The following POLR3G variants were observed in gnomAD, a reference collection of about 807,000 sequenced individuals.
The protein encoded by POLR3G is DNA-directed RNA polymerase III subunit RPC7.
Under a neutral mutation model 30.1 loss-of-function variants are expected in POLR3G, and 28 were observed. The ratio of observed to expected loss-of-function variants is 0.93; its 90% CI spans 0.69 to 1.27. POLR3G has a LOEUF of 1.27. Among genes scored for constraint, POLR3G ranks in the 50% most tolerant of loss-of-function variants. The pLI, the probability that POLR3G is intolerant of heterozygous loss-of-function variation, is 0.00. For synonymous variants in POLR3G, 79 were observed against 82.5 expected (o/e 0.96, Z 0.23); for missense variants, 254 against 264.6 (o/e 0.96, Z 0.28).
intron 7 of POLR3G, among the ~76,000 whole-genome samples, chr5:90,507,586 G>C (rs1752551467): frequency 6.6e-6 from 1 of 151,996 alleles, no homozygotes; most frequent in South Asian, 2.1e-4. Flanking sequence ...TTCTACTTCT[G>C]TTCTCTGTTC....
At position 90,485,698 on chromosome 5, in the gene POLR3G, C is replaced by T. The variant is rs766473299; in HGVS notation, c.117+14C>T. On this transcript the variant is annotated intron_variant, in intron 2 of 7. Coordinates refer to ENST00000651687, the MANE Select transcript of POLR3G (RefSeq NM_006467.3). The stretch of plus-strand genomic sequence containing the variant: ...CCACTATTTCCTGTAAGTATATGAA[C>T]AGTTGAATTCTCATAGTGTGTTTTT... 1.9e-5 allele frequency: 30 copies of T among 1,548,238 alleles called. No individual in the cohort carries two copies. Among genetic ancestry groups the T allele is most frequent in the Non-Finnish European group, 2.7e-5 (30 of 1,124,190 alleles).
chr5:90,489,668 A>G (rs1393529710), intron 3 of POLR3G, among the ~76,000 whole-genome samples: 1 of 152,216 alleles, frequency 6.6e-6, no homozygotes, highest in Non-Finnish European at 1.5e-5. Context: ...AAGTAAGACC[A>G]AATGAACTAA....
intron 2 of POLR3G, among the ~76,000 whole-genome samples, chr5:90,487,417 A>G (rs1319791917): frequency 2.1e-5 from 2 of 95,312 alleles, no homozygotes; most frequent in Non-Finnish European, 3.7e-5. Context: ...TGTGAGACGG[A>G]CTCTAGCTCT....
chr5:90,481,233 C>A (rs1390236566), intron 1 of POLR3G, among the ~76,000 whole-genome samples: 1 of 151,858 alleles, frequency 6.6e-6, no homozygotes, highest in Admixed American at 6.6e-5. Flanking sequence ...AACACCTGAA[C>A]CCATGACCAG....
chr5:90,496,568 C>T (rs1752008714), intron 4 of POLR3G, among the ~76,000 whole-genome samples: 1 of 152,204 alleles, frequency 6.6e-6, no homozygotes. Context: ...TTAGAAGGGT[C>T]TGTAAAGGAG....
intron 1 of POLR3G, among the ~76,000 whole-genome samples, chr5:90,481,329 A>G (rs11750517): frequency 0.73 from 104,803 of 144,402 alleles, 37,063 homozygotes; most frequent in Admixed American, 0.78. Flanking sequence ...AGTATTCTTG[A>G]AAAAAAAAAA....
At chr5:90,476,404 G>A (rs867893380) in intron 1 of POLR3G, among the ~76,000 whole-genome samples, 1 of 152,188 alleles carries the variant, frequency 6.6e-6, no homozygotes, top group Non-Finnish European at 1.5e-5. Context: ...AAAGCATTAC[G>A]GGGTATGTAC....
At position 90,501,924 on chromosome 5, in the gene POLR3G, A is replaced by C. The variant is rs1752262386; in HGVS notation, c.374A>C (p.Lys125Thr). Reference protein sequence around the residue: ...KCKKAGPKPKKAKDAGKGTPL... With the variant: ...KCKKAGPKPKTAKDAGKGTPL... The stretch of plus-strand genomic sequence containing the variant: ...ACTTCAGCAGGCCCAAAACCCAAAA[A>C]GGCAAAAGACGCAGGCAAAGGCACA... Residue 125 changes from lysine (K) to threonine (T), a missense_variant, in exon 6 of 8, where the codon AAG becomes ACG. Coordinates refer to ENST00000651687, the MANE Select transcript of POLR3G (RefSeq NM_006467.3). The C allele has an allele frequency of 1.9e-6, 3 of 1,613,540 alleles. No individual in the cohort carries two copies. The highest frequency in any genetic ancestry group is 2.5e-6 in the Non-Finnish European group (3 of 1,179,628).
intron 7 of POLR3G, 85 bp from the exon 8 acceptor site, chr5:90,511,968 A>G: frequency 1.1e-6 from 1 of 917,380 alleles, no homozygotes; most frequent in South Asian, 1.5e-5. Context: ...TGAAGCAGAT[A>G]AAAAGCAGAG....
At chr5:90,476,228 C>T (rs1750809605) in intron 1 of POLR3G, among the ~76,000 whole-genome samples, 1 of 152,206 alleles carries the variant, frequency 6.6e-6, no homozygotes, top group South Asian at 2.1e-4. Flanking sequence ...TTTCTAAATA[C>T]TTTGCTAATC....
chr5:90,478,641 C>A (rs1750967015), intron 1 of POLR3G, among the ~76,000 whole-genome samples: 1 of 136,460 alleles, frequency 7.3e-6, no homozygotes, highest in Non-Finnish European at 1.5e-5. Context: ...CAAGCAACCT[C>A]CACCTCCCGG....
intron 1 of POLR3G, among the ~76,000 whole-genome samples, chr5:90,477,953 A>G (rs555931061): frequency 2.0e-5 from 3 of 152,208 alleles, no homozygotes; most frequent in Non-Finnish European, 4.4e-5. Flanking sequence ...AAAGTTACAA[A>G]GTCATTTACT....
intron 7 of POLR3G, 97 bp downstream of exon 7, chr5:90,506,771 AG>A: frequency 7.2e-7 from 1 of 1,389,596 alleles, no homozygotes; most frequent in Non-Finnish European, 9.4e-7. Flanking sequence ...ACAGAAACCA[AG>A]ATGATGGGAA....
chr5:90,477,083 G>T (rs1750862990), intron 1 of POLR3G, among the ~76,000 whole-genome samples: 1 of 152,184 alleles, frequency 6.6e-6, no homozygotes, highest in South Asian at 2.1e-4. Context: ...GATAAGAGCT[G>T]ACAGTTACAA....
intron 3 of POLR3G, chr5:90,490,449 G>C (rs1751665629): frequency 5.5e-6 from 1 of 180,326 alleles, no homozygotes; most frequent in Admixed American, 5.8e-5. Flanking sequence ...CCAGGCTGGA[G>C]TGCAGTGGGA....
At chr5:90,486,553 C>T (rs2151903417) in intron 2 of POLR3G, among the ~76,000 whole-genome samples, 1 of 152,330 alleles carries the variant, frequency 6.6e-6, no homozygotes, top group East Asian at 1.9e-4. Context: ...ACGCAGGTCT[C>T]CTTGGGTCCT....
chr5:90,474,263 C>A, upstream of POLR3G: 1 of 1,613,558 alleles, frequency 6.2e-7, no homozygotes, highest in South Asian at 1.1e-5. Context: ...CGCCTAGAGA[C>A]TTGTGGGCGT....
At chr5:90,475,623 C>T (rs1373398863) in intron 1 of POLR3G, among the ~76,000 whole-genome samples, 1 of 152,042 alleles carries the variant, frequency 6.6e-6, no homozygotes, top group East Asian at 1.9e-4. Flanking sequence ...GGTGTGGCCC[C>T]GCCAGCCACA....
Position 90,485,663 on chromosome 5 carries a change from G to A in POLR3G, c.96G>A (p.Leu32=), listed in dbSNP as rs770419365. 3.1e-6 allele frequency: 5 copies of A among 1,612,952 alleles called. No homozygotes were observed. The African/African-American group carries it at 6.7e-5, about 22-fold the overall frequency. ...GTGAAAAGTTACCTGATGTAGTGTT[G>A]AAACCACCCCCACTATTTCCTGTAA... ...SKGEKLPDVV[L]KPPPLFPDTD... is the part of the protein sequence containing the mutation. Residue 32 remains leucine (L), a synonymous_variant, in exon 2 of 8, where the codon TTG becomes TTA. Coordinates refer to ENST00000651687, the MANE Select transcript of POLR3G (RefSeq NM_006467.3).
Sources: allele counts gnomAD v4.1 joint callset (sites outside exome capture counted in the v4.1 genomes callset), GRCh38; gene constraint gnomAD v4.1.1; transcripts MANE v1.5; gene names NCBI Gene and HGNC (gene_info 2026-07-23, HGNC 2026-07-21).